NR6A1: variants seen among roughly 807,000 people sequenced by gnomAD.
The protein encoded by NR6A1 is retinoic acid receptor-related testis-associated receptor.
A neutral mutation model predicts 59.1 loss-of-function variants in NR6A1; 7 were observed. The ratio of observed to expected loss-of-function variants is 0.12; its 90% CI spans 0.07 to 0.22. The LOEUF (loss-of-function observed/expected upper bound fraction) is 0.22. NR6A1 is among the 10% of genes least tolerant of loss of function. The pLI is 1.00. For synonymous variants in NR6A1, 243 were observed against 236.1 expected, an observed-to-expected ratio of 1.03 and a Z score of -0.27; for missense variants, 468 against 611.6, an observed-to-expected ratio of 0.77 and a Z score of 2.48.
At chr9:124,711,051 AT>A (rs1839265037) in intron 2 of NR6A1, among the ~76,000 whole-genome samples, 2 of 152,064 alleles carry the variant, frequency 1.3e-5, no homozygotes. Flanking sequence ...ACCATACCCA[AT>A]TGTTAAAGCG....
At chr9:124,687,886 C>T (rs185266141) in intron 2 of NR6A1, among the ~76,000 whole-genome samples, 24 of 152,282 alleles carry the variant, frequency 1.6e-4, no homozygotes, top group Admixed American at 1.4e-3. Flanking sequence ...CCAGCAGACG[C>T]CTGAAACTTC....
intron 2 of NR6A1, among the ~76,000 whole-genome samples, chr9:124,650,305 G>C (rs1197630528): frequency 2.0e-5 from 3 of 152,110 alleles, no homozygotes; most frequent in Non-Finnish European, 4.4e-5. Context: ...AACATGGATG[G>C]AACTGTTAAG....
At chr9:124,584,145 G>C (rs1834852325) in intron 2 of NR6A1, among the ~76,000 whole-genome samples, 1 of 150,386 alleles carries the variant, frequency 6.6e-6, no homozygotes, top group Non-Finnish European at 1.5e-5. Flanking sequence ...ACCCAGGCTG[G>C]AGTGCAGTGG....
At chr9:124,612,736 C>T (rs1412456075) in intron 2 of NR6A1, among the ~76,000 whole-genome samples, 2 of 151,268 alleles carry the variant, frequency 1.3e-5, no homozygotes, top group Non-Finnish European at 3.0e-5. Context: ...TAAGGTAAAC[C>T]CCCATATATC....
At chr9:124,731,300 T>A (rs1184853156) in intron 2 of NR6A1, among the ~76,000 whole-genome samples, 2 of 149,162 alleles carry the variant, frequency 1.3e-5, no homozygotes, top group African/African-American at 2.5e-5. Context: ...AACCCGGGAG[T>A]CAGAGGTTGC....
At chr9:124,761,735 T>C (rs1316587994) in intron 1 of NR6A1, among the ~76,000 whole-genome samples, 2 of 152,214 alleles carry the variant, frequency 1.3e-5, no homozygotes, top group Non-Finnish European at 2.9e-5. Flanking sequence ...CACGATAGGA[T>C]CTTTATCTCT....
chr9:124,635,537 T>G (rs769435919), intron 2 of NR6A1, among the ~76,000 whole-genome samples: 1 of 152,222 alleles, frequency 6.6e-6, no homozygotes, highest in Non-Finnish European at 1.5e-5. Context: ...TATGCAGAAC[T>G]GTGAGTCAAT....
chr9:124,680,920 A>G (rs1463895030), intron 2 of NR6A1, among the ~76,000 whole-genome samples: 1 of 152,238 alleles, frequency 6.6e-6, no homozygotes, highest in African/African-American at 2.4e-5. Flanking sequence ...GCAGTAATTT[A>G]GTAGTGTCAC....
chr9:124,554,620 C>T (rs886972475), intron 2 of NR6A1, 50 bp from the exon 3 acceptor site: 3 of 1,611,452 alleles, frequency 1.9e-6, no homozygotes, highest in Non-Finnish European at 2.5e-6. Flanking sequence ...TTTAAGCCTA[C>T]AGTTCCTAAA....
chr9:124,556,460 ATTTTTT>A (rs111855786), intron 2 of NR6A1, among the ~76,000 whole-genome samples: 5 of 138,170 alleles, frequency 3.6e-5, no homozygotes, highest in Non-Finnish European at 4.7e-5. Flanking sequence ...AGGGATACTG[ATTTTTT>A]TTTTTTTTTT....
chr9:124,584,015 A>G (rs1317390353), intron 2 of NR6A1, among the ~76,000 whole-genome samples: 1 of 151,908 alleles, frequency 6.6e-6, no homozygotes, highest in Non-Finnish European at 1.5e-5. Context: ...ATAGCTCAAT[A>G]CCAAGCACAG....
chr9:124,660,913 C>T (rs1837414392), intron 2 of NR6A1, among the ~76,000 whole-genome samples: 1 of 151,998 alleles, frequency 6.6e-6, no homozygotes, highest in Non-Finnish European at 1.5e-5. Context: ...GAAAAAAATA[C>T]GCTTAGTAAC....
chr9:124,640,725 T>C (rs1005809916), intron 2 of NR6A1, among the ~76,000 whole-genome samples: 3 of 151,864 alleles, frequency 2.0e-5, no homozygotes, highest in Admixed American at 6.6e-5. Context: ...TACACACATA[T>C]ACATCTCTCT....
chr9:124,538,943 T>C (rs1453415951), intron 5 of NR6A1, among the ~76,000 whole-genome samples: 2 of 149,780 alleles, frequency 1.3e-5, no homozygotes, highest in African/African-American at 4.9e-5. Context: ...CACAGTGGTG[T>C]GCACCTACAG....
At chr9:124,739,383 A>T (rs1448901843) in intron 1 of NR6A1, among the ~76,000 whole-genome samples, 2 of 152,266 alleles carry the variant, frequency 1.3e-5, no homozygotes, top group Non-Finnish European at 2.9e-5. Flanking sequence ...AGTAATCAGC[A>T]AATGGCTCTA....
At chr9:124,639,066 T>C (rs943854755) in intron 2 of NR6A1, among the ~76,000 whole-genome samples, 4 of 152,218 alleles carry the variant, frequency 2.6e-5, no homozygotes, top group Non-Finnish European at 5.9e-5. Context: ...GGGCCGGACC[T>C]AGTCTAGGTG....
intron 2 of NR6A1, among the ~76,000 whole-genome samples, chr9:124,613,269 A>ATGCTGCAGTGAGCTAAGAAGGTGC (rs1835805698): frequency 6.6e-6 from 1 of 152,168 alleles, no homozygotes; most frequent in African/African-American, 2.4e-5. Flanking sequence ...CAGAAGTTTG[A>ATGCTGCAGTGAGCTAAGAAGGTGC]TGCTGCAGTG....
At chr9:124,585,205 G>A (rs1456729960) in intron 2 of NR6A1, among the ~76,000 whole-genome samples, 1 of 152,126 alleles carries the variant, frequency 6.6e-6, no homozygotes, top group Non-Finnish European at 1.5e-5. Flanking sequence ...AGCAGAGGTT[G>A]GCTCACGAGG....
chr9:124,757,196 T>C (rs904594777), intron 1 of NR6A1, among the ~76,000 whole-genome samples: 6 of 151,978 alleles, frequency 3.9e-5, no homozygotes, highest in Non-Finnish European at 8.8e-5. Context: ...TACATTGAGA[T>C]AGACACACAC....
Sources: allele counts gnomAD v4.1 joint callset (sites outside exome capture counted in the v4.1 genomes callset), GRCh38; gene constraint gnomAD v4.1.1; transcripts MANE v1.5; gene names NCBI Gene and HGNC (gene_info 2026-07-23, HGNC 2026-07-21).